Variants in DOCK3 observed in about 807,000 individuals in gnomAD.
DOCK3 encodes the protein dedicator of cytokinesis protein 3.
Under a neutral mutation model 265.6 loss-of-function variants are expected in DOCK3, and 60 were observed. The ratio of observed to expected loss-of-function variants is 0.23; its 90% CI spans 0.18 to 0.28. The LOEUF is 0.28. Among genes scored for constraint, DOCK3 ranks in the 10% least tolerant of loss-of-function variants. The probability of loss-of-function intolerance (pLI) is 1.00; values close to 1 mark genes in which losing one functional copy is unlikely to be tolerated. For missense variants in DOCK3, 1,981 were observed against 2,594.3 expected, an observed-to-expected ratio of 0.76 and a Z score of 5.14; for synonymous variants, 881 against 938.0, an observed-to-expected ratio of 0.94 and a Z score of 1.11.
chr3:51,214,346 T>G (rs1429527685), intron 14 of DOCK3, 99 bp downstream of exon 14: 2 of 1,472,814 alleles, frequency 1.4e-6, no homozygotes, highest in African/African-American at 1.4e-5. Flanking sequence ...GGAGAAGACC[T>G]GCAGCTATTA....
chr3:51,025,716 G>T (rs2079785259), intron 5 of DOCK3, among the ~76,000 whole-genome samples: 1 of 152,164 alleles, frequency 6.6e-6, no homozygotes, highest in African/African-American at 2.4e-5. Flanking sequence ...TTCCCCAAGG[G>T]CTCCTGTGAG....
intron 5 of DOCK3, among the ~76,000 whole-genome samples, chr3:51,005,450 A>G (rs2078643647): frequency 6.6e-6 from 1 of 152,148 alleles, no homozygotes; most frequent in Non-Finnish European, 1.5e-5. Flanking sequence ...ACTTCCTTCA[A>G]TGCATATTGC....
At chr3:50,753,434 C>T (rs2039963065) in intron 1 of DOCK3, among the ~76,000 whole-genome samples, 1 of 152,188 alleles carries the variant, frequency 6.6e-6, no homozygotes. Context: ...CCTTAATCTT[C>T]TGGGCTCAAG....
At chr3:50,761,092 A>T (rs76013588) in intron 1 of DOCK3, among the ~76,000 whole-genome samples, 101 of 122,614 alleles carry the variant, frequency 8.2e-4, no homozygotes, top group African/African-American at 2.7e-3. Context: ...ATTCTTTATT[A>T]AAAAAAAAAT....
chr3:51,130,857 G>C (rs1347181217), intron 9 of DOCK3, among the ~76,000 whole-genome samples: 2 of 151,918 alleles, frequency 1.3e-5, no homozygotes, highest in Non-Finnish European at 2.9e-5. Context: ...ACAAGTGCGC[G>C]CCACCACACC....
chr3:50,793,137 A>C (rs967376005), intron 2 of DOCK3, among the ~76,000 whole-genome samples: 2 of 151,976 alleles, frequency 1.3e-5, no homozygotes, highest in Non-Finnish European at 1.5e-5. Context: ...CAGTCTTGGG[A>C]GGGGGTATGT....
chr3:50,890,511 C>A (rs1370632823), intron 4 of DOCK3, among the ~76,000 whole-genome samples: 3 of 151,872 alleles, frequency 2.0e-5, no homozygotes, highest in Non-Finnish European at 4.4e-5. Flanking sequence ...ATGGTTTGAT[C>A]ACAAATTTTA....
At chr3:50,676,966 G>A (rs2034011205) in intron 1 of DOCK3, among the ~76,000 whole-genome samples, 1 of 152,208 alleles carries the variant, frequency 6.6e-6, no homozygotes, top group Non-Finnish European at 1.5e-5. Context: ...TTCTGAGACA[G>A]AGCCAGTGCA....
chr3:51,114,257 A>T (rs2083640290), intron 9 of DOCK3, among the ~76,000 whole-genome samples: 2 of 152,238 alleles, frequency 1.3e-5, no homozygotes, highest in Admixed American at 1.3e-4. Context: ...AAAGAATTGG[A>T]TGAAGGAAAA....
intron 9 of DOCK3, among the ~76,000 whole-genome samples, chr3:51,097,042 G>A (rs896516011): frequency 5.9e-5 from 9 of 152,180 alleles, no homozygotes; most frequent in Non-Finnish European, 1.2e-4. Context: ...GGTGTCTGTC[G>A]ACCCCTGCTG....
chr3:50,722,216 G>A (rs1215893200), intron 1 of DOCK3, among the ~76,000 whole-genome samples: 3 of 152,204 alleles, frequency 2.0e-5, no homozygotes, highest in African/African-American at 7.2e-5. Context: ...GCAGGGTAAA[G>A]GGTGATTTCC....
At chr3:51,269,051 A>G (rs1459352240) in intron 23 of DOCK3, among the ~76,000 whole-genome samples, 3 of 151,116 alleles carry the variant, frequency 2.0e-5, no homozygotes, top group Non-Finnish European at 2.9e-5. Context: ...TGAGAATCAG[A>G]CCTTCTTCTT....
chr3:50,701,270 A>G (rs1255066115), intron 1 of DOCK3, among the ~76,000 whole-genome samples: 1 of 151,692 alleles, frequency 6.6e-6, no homozygotes, highest in Non-Finnish European at 1.5e-5. Context: ...GGTCCACGCC[A>G]CCACACCCAG....
chr3:51,133,326 A>G (rs1203124624), intron 9 of DOCK3, among the ~76,000 whole-genome samples: 1 of 69,936 alleles, frequency 1.4e-5, no homozygotes, highest in African/African-American at 5.8e-5. Context: ...CCCCCACCCC[A>G]TGACAGGCCC....
intron 3 of DOCK3, among the ~76,000 whole-genome samples, chr3:50,855,601 T>A (rs2046551810): frequency 6.6e-6 from 1 of 152,222 alleles, no homozygotes; most frequent in Non-Finnish European, 1.5e-5. Flanking sequence ...GGTCACGTAG[T>A]AAGTGAACAG....
intron 1 of DOCK3, among the ~76,000 whole-genome samples, chr3:50,694,289 A>AT (rs930518021): frequency 6.6e-5 from 10 of 152,264 alleles, no homozygotes; most frequent in African/African-American, 2.2e-4. Flanking sequence ...TAAAAAAAAA[A>AT]TAAAAATAAA....
At chr3:51,074,169 G>A (rs959374690) in intron 6 of DOCK3, among the ~76,000 whole-genome samples, 5 of 152,180 alleles carry the variant, frequency 3.3e-5, no homozygotes, top group East Asian at 1.9e-4. Flanking sequence ...GTTTTGGATA[G>A]GGTGGTCACA....
chr3:51,107,202 C>T (rs762548548), intron 9 of DOCK3, among the ~76,000 whole-genome samples: 1 of 152,006 alleles, frequency 6.6e-6, no homozygotes, highest in Non-Finnish European at 1.5e-5. Flanking sequence ...GAAAAAAAAA[C>T]CATCCAAAGG....
At chr3:51,153,601 G>A (rs2085713918) in intron 10 of DOCK3, among the ~76,000 whole-genome samples, 1 of 152,196 alleles carries the variant, frequency 6.6e-6, no homozygotes. Flanking sequence ...CATGCTGGGA[G>A]CTGCAGACCG....
Sources: gnomAD v4.1 joint callset for allele counts (sites outside exome capture counted in the v4.1 genomes callset) on GRCh38, gnomAD v4.1.1 for gene constraint, MANE v1.5 for transcripts, NCBI Gene and HGNC (gene_info 2026-07-23, HGNC 2026-07-21) for gene names.